AKAP9: variants seen among roughly 807,000 people sequenced by gnomAD.
AKAP9 encodes the protein A-kinase anchor protein 9.
In AKAP9, 311 loss-of-function variants were observed where a neutral mutation model predicts 488.5. That is an observed-to-expected ratio of 0.64 (90% CI 0.58 to 0.70). AKAP9 has a LOEUF of 0.70. Ranked by LOEUF, AKAP9 falls within the 30% of genes least tolerant of loss-of-function variation. AKAP9 has a pLI of 0.00. For missense variants in AKAP9, 4,215 were observed against 4,374.5 expected (o/e 0.96, Z 1.03); for synonymous variants, 1,462 against 1,483.5 (o/e 0.99, Z 0.33).
chr7:92,025,633 G>A (rs1252218091), intron 14 of AKAP9, among the ~76,000 whole-genome samples: 1 of 152,184 alleles, frequency 6.6e-6, no homozygotes, highest in Non-Finnish European at 1.5e-5. Context: ...ACTAAGGTTG[G>A]AAAGATCATG....
chr7:92,100,335 G>A (rs1029346354), intron 44 of AKAP9, among the ~76,000 whole-genome samples: 11 of 152,138 alleles, frequency 7.2e-5, no homozygotes, highest in Non-Finnish European at 1.0e-4. Context: ...ATTACTCTGA[G>A]AATTTACTTA....
chr7:92,072,107 C>T (rs1393683358), intron 28 of AKAP9, among the ~76,000 whole-genome samples: 1 of 152,140 alleles, frequency 6.6e-6, no homozygotes, highest in African/African-American at 2.4e-5. Flanking sequence ...ACCTTCTCAA[C>T]TGGACCCAAA....
intron 1 of AKAP9, chr7:91,970,453 T>G (rs990903207): frequency 2.2e-6 from 1 of 456,800 alleles, no homozygotes; most frequent in Non-Finnish European, 4.4e-6. Flanking sequence ...TTTTTTCACA[T>G]TAGTGTTTTT....
At chr7:92,073,532 G>A (rs114851327) in intron 28 of AKAP9, among the ~76,000 whole-genome samples, 1,597 of 151,786 alleles carry the variant, frequency 0.011, 25 homozygotes, top group African/African-American at 0.037. Flanking sequence ...AAAAATAGAT[G>A]CAAATTAATC....
chr7:92,065,196 TG>T, intron 24 of AKAP9, 34 bp from the exon 25 acceptor site: 2 of 1,350,656 alleles, frequency 1.5e-6, no homozygotes, highest in Non-Finnish European at 1.0e-6. Context: ...TCATTAATTG[TG>T]ATTTAATTCA....
chr7:92,088,990 A>G (rs1339235768), intron 37 of AKAP9, among the ~76,000 whole-genome samples: 1 of 152,220 alleles, frequency 6.6e-6, no homozygotes. Flanking sequence ...ACAACAAAAT[A>G]GCCTGTAGTC....
At position 92,042,324 on chromosome 7, in the gene AKAP9, G is replaced by C. The variant is rs558250568; in HGVS notation, c.5058+138G>C. 4.9e-4 allele frequency: 560 copies of C among 1,150,512 alleles called. 6 individuals carry two copies. In the South Asian group the frequency reaches 6.8e-3, roughly 14 times the overall value. The allele number at this position is 1,150,512 out of a possible 1,614,324, so 71.3% of individuals were successfully genotyped here. On this transcript the variant is annotated intron_variant, in intron 19 of 49. Transcript: ENST00000356239. ...TTTGTGACTGCATGTGTGTAAGGTA[G>C]GTGGAGTCAAAATGCCTTACATTTC...
At chr7:92,029,199 A>C (rs1803815222) in intron 14 of AKAP9, among the ~76,000 whole-genome samples, 2 of 149,612 alleles carry the variant, frequency 1.3e-5, no homozygotes, top group Admixed American at 1.3e-4. Flanking sequence ...AGAAAAAAAA[A>C]ATTTTTAATC....
chr7:92,055,524 AT>A (rs1054948147), intron 22 of AKAP9, among the ~76,000 whole-genome samples: 1 of 152,056 alleles, frequency 6.6e-6, no homozygotes, highest in African/African-American at 2.4e-5. Context: ...ATGGTTTGAC[AT>A]TATTTGATTT....
chr7:92,063,434 T>C (rs1314172193), intron 24 of AKAP9: 73 of 319,682 alleles, frequency 2.3e-4, no homozygotes, highest in Non-Finnish European at 5.5e-5. Flanking sequence ...TGTTGTGTCT[T>C]TTTTTTTTTT....
At chr7:92,058,215 C>T (rs769504440) in intron 22 of AKAP9, 3 of 592,340 alleles carry the variant, frequency 5.1e-6, no homozygotes, top group Middle Eastern at 2.8e-4. Flanking sequence ...GTCAGTGGCT[C>T]GTGGTTAGAA....
At position 92,002,836 on chromosome 7, in the gene AKAP9, T is replaced by G. The variant is rs1326984889; in HGVS notation, c.2919T>G (p.Ile973Met). The G allele has an allele frequency of 3.1e-6, 5 of 1,613,454 alleles. No homozygotes were observed. Among genetic ancestry groups the G allele is most frequent in the Non-Finnish European group, 4.2e-6 (5 of 1,179,664 alleles). ...AATTGAAACAGAAACATGGTGAGAT[T>G]AGTTTTCTAAATGAAGAAGTTAAAT... is the stretch of plus-strand genomic sequence containing the variant. ...SEQLKQKHGE[I>M]SFLNEEVKSL... Residue 973 changes from isoleucine to methionine, a missense_variant, in exon 8 of 50, where the codon ATT becomes ATG. Transcript: ENST00000356239.
At chr7:91,994,839 T>G in intron 6 of AKAP9, 63 bp downstream of exon 6, 1 of 1,482,776 alleles carries the variant, frequency 6.7e-7, no homozygotes, top group South Asian at 1.2e-5. Context: ...AAAATTCACT[T>G]TCAAGAACAA....
In AKAP9 at chr7:92,102,161, T is replaced by TAAAAA. The variant is rs60768469; in HGVS notation, c.11098-433_11098-432insAAAAA. On this transcript the variant is annotated intron_variant, in intron 45 of 49. Coordinates refer to ENST00000356239, the MANE Select transcript of AKAP9 (RefSeq NM_005751.5). ...ACAGAGTGAGACTCCGTCTCATAAA[T>TAAAAA]TTAAAAAAAAAATAAATAAATAAAT... Among the ~76,000 whole-genome samples, 1,026 of 137,204 alleles carry TAAAAA rather than the reference T, an allele frequency of 7.5e-3. 5 individuals carry two copies. Among genetic ancestry groups the TAAAAA allele is most frequent in the South Asian group, 0.013 (54 of 4,198 alleles). The allele number at this position is 137,204 out of a possible 152,430, so 90.0% of individuals were successfully genotyped here. A position where few individuals can be genotyped will look rare whatever the true frequency, so the allele number is the denominator to read the frequency against.
chr7:92,063,575 T>C, intron 24 of AKAP9: 6 of 800,052 alleles, frequency 7.5e-6, no homozygotes, highest in Non-Finnish European at 9.1e-6. Context: ...ACCTGGATTT[T>C]CAGCCAACTA....
At chr7:91,964,711 T>A (rs993276131) in intron 1 of AKAP9, among the ~76,000 whole-genome samples, 1 of 152,196 alleles carries the variant, frequency 6.6e-6, no homozygotes, top group Admixed American at 6.5e-5. Flanking sequence ...TGTTTGATAC[T>A]CATATATCTT....
rs776577447 is a variant in AKAP9 at position 92,038,404 on chromosome 7, C to T, written c.4339-15C>T. The T allele has an allele frequency of 6.3e-7, 1 of 1,582,174 alleles. No individual in the cohort carries two copies. The highest frequency in any genetic ancestry group is 1.1e-5 in the South Asian group (1 of 90,186). ...TCTAAATCTAATCCTTTATTGTTTG[C>T]TTTTATTTCTTTAGGTTATTGTGTC... On this transcript the variant is annotated splice_polypyrimidine_tract_variant and intron_variant, in intron 16 of 49. Transcript: ENST00000356239.
At chr7:92,044,379 C>G (rs899674377) in intron 20 of AKAP9, among the ~76,000 whole-genome samples, 28 of 152,026 alleles carry the variant, frequency 1.8e-4, no homozygotes, top group Admixed American at 1.8e-3. Flanking sequence ...TAAAAACGGC[C>G]TATGATACTC....
At chr7:92,021,661 A>G (rs1802331026) in intron 12 of AKAP9, among the ~76,000 whole-genome samples, 1 of 151,620 alleles carries the variant, frequency 6.6e-6, no homozygotes, top group African/African-American at 2.4e-5. Context: ...CTGATCCTGA[A>G]CTCCTGACCT....
Sources: allele counts gnomAD v4.1 joint callset (sites outside exome capture counted in the v4.1 genomes callset), GRCh38; gene constraint gnomAD v4.1.1; transcripts MANE v1.5; gene names NCBI Gene and HGNC (gene_info 2026-07-23, HGNC 2026-07-21).